CTNNA2: variants seen among roughly 807,000 people sequenced by gnomAD.
CTNNA2 encodes the protein catenin alpha 2, also known as catenin alpha-2.
Under a neutral mutation model 101.0 loss-of-function variants are expected in CTNNA2, and 42 were observed. The observed-to-expected ratio is 0.42, with a 90% CI of 0.32 to 0.54. CTNNA2 has a LOEUF of 0.54. CTNNA2 is among the 20% of genes least tolerant of loss of function. CTNNA2 has a pLI of 0.14. For synonymous variants in CTNNA2, 450 were observed against 456.4 expected (o/e 0.99, Z 0.18); for missense variants, 871 against 1,223.1 (o/e 0.71, Z 4.29).
At chr2:80,315,131 T>C (rs1461388664) in intron 7 of CTNNA2, among the ~76,000 whole-genome samples, 2 of 152,142 alleles carry the variant, frequency 1.3e-5, no homozygotes, top group East Asian at 3.8e-4. Context: ...TCACACCCTA[T>C]AGATTGAAGA....
intron 3 of CTNNA2, among the ~76,000 whole-genome samples, chr2:79,771,993 C>A (rs1558916156): frequency 6.8e-6 from 1 of 147,204 alleles, no homozygotes; most frequent in South Asian, 2.3e-4. Context: ...ATAAGTTAAC[C>A]CCCCCTCCTC....
chr2:80,500,036 A>T (rs1268203140), intron 9 of CTNNA2, among the ~76,000 whole-genome samples: 1 of 152,174 alleles, frequency 6.6e-6, no homozygotes, highest in South Asian at 2.1e-4. Flanking sequence ...TATACAAAAA[A>T]TCCAAATGCA....
At chr2:79,341,025 C>CAT (rs144887817) in intron 3 of CTNNA2, among the ~76,000 whole-genome samples, 3,199 of 150,892 alleles carry the variant, frequency 0.021, 91 homozygotes, top group African/African-American at 0.068. Flanking sequence ...TTAAACGCTA[C>CAT]ATATATATAT....
At chr2:79,760,699 G>T (rs1022152) in intron 3 of CTNNA2, among the ~76,000 whole-genome samples, 58,549 of 152,100 alleles carry the variant, frequency 0.38, 11,968 homozygotes, top group African/African-American at 0.52. Flanking sequence ...CATCACAATA[G>T]GTAATAATTG....
intron 18 of CTNNA2, among the ~76,000 whole-genome samples, chr2:80,642,646 G>C (rs1369098603): frequency 6.6e-6 from 1 of 152,166 alleles, no homozygotes; most frequent in Non-Finnish European, 1.5e-5. Flanking sequence ...TGTTTCTGTT[G>C]AAACTGAACA....
At position 79,592,226 on chromosome 2, in the gene CTNNA2, T is replaced by C. The variant is rs1300889954; in HGVS notation, c.-5-59326T>C. On this transcript the variant is annotated intron_variant, in intron 1 of 18. Transcript: ENST00000402739. Reference sequence around the variant, plus strand: ...ACCTCTGCCTCCCGGGTTCAGGCGATTCTCCTGTCTCAGCCTCCCGAGTAG... The same window carrying C: ...ACCTCTGCCTCCCGGGTTCAGGCGACTCTCCTGTCTCAGCCTCCCGAGTAG... 6.6e-5 allele frequency among the ~76,000 whole-genome samples: 10 copies of C among 152,002 alleles called. No homozygotes were observed. The East Asian group carries it at 1.9e-3, about 29-fold the overall frequency.
intron 9 of CTNNA2, among the ~76,000 whole-genome samples, chr2:80,506,683 C>G (rs1156850267): frequency 6.6e-6 from 1 of 152,150 alleles, no homozygotes; most frequent in East Asian, 1.9e-4. Context: ...TGGGACAACT[C>G]TGAAGGCAGG....
intron 18 of CTNNA2, among the ~76,000 whole-genome samples, chr2:80,645,329 C>G (rs956913714): frequency 3.3e-5 from 5 of 152,114 alleles, no homozygotes; most frequent in Non-Finnish European, 5.9e-5. Flanking sequence ...GCTGTCTCAT[C>G]TCTGTCCTTC....
intron 7 of CTNNA2, among the ~76,000 whole-genome samples, chr2:80,043,206 C>CTCTT (rs1553437205): frequency 2.2e-5 from 2 of 91,776 alleles, no homozygotes; most frequent in Non-Finnish European, 4.3e-5. Context: ...TTCTCTCTCT[C>CTCTT]TTTTTTTTTT....
intron 3 of CTNNA2, among the ~76,000 whole-genome samples, chr2:79,750,235 CTT>C (rs966991190): frequency 6.6e-6 from 1 of 152,048 alleles, no homozygotes; most frequent in Non-Finnish European, 1.5e-5. Flanking sequence ...AGACTGAAAA[CTT>C]TTTTTTGACT....
chr2:80,165,106 A>G (rs1704589263), intron 7 of CTNNA2, among the ~76,000 whole-genome samples: 1 of 151,716 alleles, frequency 6.6e-6, no homozygotes, highest in Admixed American at 6.6e-5. Flanking sequence ...TGAAGTTTTT[A>G]GTTCTTATTC....
intron 3 of CTNNA2, among the ~76,000 whole-genome samples, chr2:79,335,106 G>T (rs539770670): frequency 4.6e-5 from 7 of 152,118 alleles, no homozygotes; most frequent in African/African-American, 1.4e-4. Flanking sequence ...AGAAGTTAGG[G>T]AGCCAGAATG....
At chr2:80,350,134 C>T (rs930967905) in intron 7 of CTNNA2, among the ~76,000 whole-genome samples, 2 of 152,146 alleles carry the variant, frequency 1.3e-5, no homozygotes, top group African/African-American at 2.4e-5. Context: ...AACTATCATG[C>T]TTCAGATCTA....
intron 1 of CTNNA2, among the ~76,000 whole-genome samples, chr2:79,561,202 T>C (rs1015409897): frequency 1.3e-5 from 2 of 151,954 alleles, no homozygotes; most frequent in Admixed American, 1.3e-4. Flanking sequence ...CCTGGCTTCT[T>C]TCCTTTAGCC....
intron 1 of CTNNA2, among the ~76,000 whole-genome samples, chr2:79,596,591 C>T (rs887041216): frequency 2.0e-5 from 3 of 152,160 alleles, no homozygotes; most frequent in East Asian, 3.9e-4. Context: ...GCCTGAGCAG[C>T]GCAGATTGTC....
At chr2:79,214,886 G>A in intron 2 of CTNNA2, among the ~76,000 whole-genome samples, 1 of 151,882 alleles carries the variant, frequency 6.6e-6, no homozygotes, top group East Asian at 2.0e-4. Context: ...AGGTTTAGAA[G>A]CCTGGCCGTC....
At chr2:80,398,870 A>T (rs1678293308) in intron 8 of CTNNA2, among the ~76,000 whole-genome samples, 1 of 151,766 alleles carries the variant, frequency 6.6e-6, no homozygotes, top group Non-Finnish European at 1.5e-5. Flanking sequence ...CTGTCTCAAA[A>T]AAAAAGAAAG....
intron 3 of CTNNA2, among the ~76,000 whole-genome samples, chr2:79,814,638 C>CACACACACACACATAT (rs145584853): frequency 1.7e-4 from 25 of 147,060 alleles, no homozygotes; most frequent in African/African-American, 6.4e-4. Context: ...CACACACACA[C>CACACACACACACATAT]ATATATATAT....
chr2:79,960,979 G>T (rs573150169), intron 7 of CTNNA2, among the ~76,000 whole-genome samples: 1 of 152,226 alleles, frequency 6.6e-6, no homozygotes, highest in African/African-American at 2.4e-5. Context: ...TCACAAAGAG[G>T]CTCTTTAGAC....
Sources: allele counts gnomAD v4.1 joint callset (sites outside exome capture counted in the v4.1 genomes callset), GRCh38; gene constraint gnomAD v4.1.1; transcripts MANE v1.5; gene names NCBI Gene and HGNC (gene_info 2026-07-23, HGNC 2026-07-21).